MYOF: variants seen among roughly 807,000 people sequenced by gnomAD.
The protein encoded by MYOF is myoferlin.
In MYOF, 244 loss-of-function variants were observed where a neutral mutation model predicts 284.2. That is an observed-to-expected ratio of 0.86 (90% CI 0.77 to 0.95). The LOEUF is 0.95. Ranked by LOEUF, MYOF falls within the 40% of genes least tolerant of loss-of-function variation. The probability of loss-of-function intolerance (pLI) is 0.00; values close to 1 mark genes in which losing one functional copy is unlikely to be tolerated. For synonymous variants in MYOF, 904 were observed against 919.7 expected (o/e 0.98, Z 0.31); for missense variants, 2,496 against 2,560.6 (o/e 0.97, Z 0.54).
intron 1 of MYOF, among the ~76,000 whole-genome samples, chr10:93,468,848 G>T (rs1320770376): frequency 1.3e-5 from 2 of 152,204 alleles, no homozygotes; most frequent in Non-Finnish European, 2.9e-5. Flanking sequence ...TTGTTTGTCA[G>T]TGGGGCCTGG....
At chr10:93,362,162 C>A (rs1457729780) in intron 27 of MYOF, among the ~76,000 whole-genome samples, 1 of 152,048 alleles carries the variant, frequency 6.6e-6, no homozygotes, top group Non-Finnish European at 1.5e-5. Flanking sequence ...GTTAGCCAGG[C>A]TGGTCTCAAA....
intron 28 of MYOF, among the ~76,000 whole-genome samples, chr10:93,360,355 C>A (rs1845010789): frequency 6.6e-6 from 1 of 152,244 alleles, no homozygotes; most frequent in Non-Finnish European, 1.5e-5. Context: ...TGGCTGTTAA[C>A]TAAATAAGTT....
chr10:93,467,731 CCAA>C (rs997198512), intron 1 of MYOF, among the ~76,000 whole-genome samples: 2 of 152,192 alleles, frequency 1.3e-5, no homozygotes, highest in African/African-American at 4.8e-5. Context: ...ACCCAAATGT[CCAA>C]CAACGATAGA....
rs1285066944 is a variant in MYOF, at chr10:93,379,984, T to A, written c.1880A>T (p.Asn627Ile). 2 of 1,613,242 alleles carry A rather than the reference T, an allele frequency of 1.2e-6. No homozygotes were observed. Among genetic ancestry groups the A allele is most frequent in the Non-Finnish European group, 1.7e-6 (2 of 1,179,444 alleles). Residue 627 changes from asparagine (N) to isoleucine (I), a missense_variant, in exon 21 of 54, where the codon AAC (asparagine) becomes ATC (isoleucine). Asn to Ile is a moderately radical substitution (Grantham distance 149). This residue lies in a region of MYOF where 2,436 missense variants were observed against 2,480.7 expected (regional missense o/e 0.98). Transcript: ENST00000359263. Reference protein sequence around the residue: ...TQYSRAVFDGNYYYYLPWAHT... With the variant: ...TQYSRAVFDGIYYYYLPWAHT... ...GGCCCAAGGCAAGTAATAATAGTAG[T>A]TGCCTGGTATAAAACATTGGGGGTC...
At chr10:93,474,225 T>G (rs1807463804) in intron 1 of MYOF, among the ~76,000 whole-genome samples, 1 of 152,206 alleles carries the variant, frequency 6.6e-6, no homozygotes, top group African/African-American at 2.4e-5. Flanking sequence ...CTAGTAAGCC[T>G]TCTTACTAGT....
At chr10:93,459,734 G>A (rs1386503687) in intron 1 of MYOF, among the ~76,000 whole-genome samples, 2 of 152,208 alleles carry the variant, frequency 1.3e-5, no homozygotes, top group Non-Finnish European at 2.9e-5. Flanking sequence ...AACTCTCCAA[G>A]ATTATTTGCT....
chr10:93,349,711 GT>G, intron 36 of MYOF, 96 bp downstream of exon 36: 1 of 1,416,184 alleles, frequency 7.1e-7, no homozygotes, highest in Non-Finnish European at 9.5e-7. Context: ...TATTTGTCAG[GT>G]TTTGGAAATA....
intron 41 of MYOF, among the ~76,000 whole-genome samples, chr10:93,334,466 G>A (rs943285519): frequency 6.6e-6 from 1 of 152,130 alleles, no homozygotes; most frequent in Non-Finnish European, 1.5e-5. Context: ...CCTCTGCATT[G>A]AGATAATCTA....
At chr10:93,347,317 C>T (rs1844235146) in intron 37 of MYOF, among the ~76,000 whole-genome samples, 1 of 151,332 alleles carries the variant, frequency 6.6e-6, no homozygotes, top group Admixed American at 6.6e-5. Flanking sequence ...CTTTGGGAGG[C>T]CGAGGCGGGT....
At chr10:93,431,024 C>CT (rs113713765) in intron 4 of MYOF, among the ~76,000 whole-genome samples, 28,424 of 117,838 alleles carry the variant, frequency 0.24, 4,124 homozygotes, top group East Asian at 0.81. Flanking sequence ...TTTTTCTTTT[C>CT]TTTTTTTTTT....
rs549297363 is a variant in MYOF, at chr10:93,409,035, T to G, written c.601-120A>C. 2.1e-4 allele frequency: 308 copies of G among 1,462,004 alleles called. 1 individual carries two copies. In the African/African-American group the frequency reaches 2.3e-3, roughly 11 times the overall value. The allele number at this position is 1,462,004 out of a possible 1,614,324, so 90.6% of individuals were successfully genotyped here. ...ATTGCTAACACCAGGCCAGGGCAGC[T>G]TTGTGCTATACCAGGTGCTACCAAT... On this transcript the variant is annotated intron_variant, in intron 6 of 53. Transcript: ENST00000359263.
chr10:93,333,153 T>G, intron 43 of MYOF, 68 bp downstream of exon 43: 1 of 1,269,690 alleles, frequency 7.9e-7, no homozygotes, highest in Non-Finnish European at 1.2e-6. Flanking sequence ...GTTGGACACA[T>G]ATTAGAGTCT....
chr10:93,460,207 T>C (rs2056841565), intron 1 of MYOF, among the ~76,000 whole-genome samples: 1 of 152,014 alleles, frequency 6.6e-6, no homozygotes, highest in Non-Finnish European at 1.5e-5. Context: ...CCAGCGCTTG[T>C]CAACATGAAA....
intron 26 of MYOF, among the ~76,000 whole-genome samples, chr10:93,364,907 G>A (rs1229982288): frequency 1.3e-5 from 2 of 152,086 alleles, no homozygotes; most frequent in Admixed American, 1.3e-4. Flanking sequence ...CACGTCTCTG[G>A]GCCTCAAAGA....
intron 1 of MYOF, among the ~76,000 whole-genome samples, chr10:93,468,231 A>G (rs1475537751): frequency 1.3e-5 from 2 of 152,270 alleles, no homozygotes; most frequent in African/African-American, 4.8e-5. Context: ...TATATTTCAC[A>G]TAATTTGCTA....
chr10:93,474,546 G>A (rs1168151355), intron 1 of MYOF, among the ~76,000 whole-genome samples: 2 of 152,190 alleles, frequency 1.3e-5, no homozygotes, highest in East Asian at 3.9e-4. Flanking sequence ...GGTCACCTAG[G>A]CCTGAAAATC....
chr10:93,365,758 G>GTT (rs1256840936), intron 26 of MYOF, among the ~76,000 whole-genome samples: 1 of 152,150 alleles, frequency 6.6e-6, no homozygotes. Flanking sequence ...TCTTCTCAAA[G>GTT]ATGTTTATAT....
At chr10:93,448,154 C>G (rs1589585934) in intron 3 of MYOF, among the ~76,000 whole-genome samples, 1 of 152,184 alleles carries the variant, frequency 6.6e-6, no homozygotes, top group African/African-American at 2.4e-5. Flanking sequence ...GCACTCCTGC[C>G]TCAGGGCCTT....
At chr10:93,432,786 G>A (rs1262745497) in intron 3 of MYOF, among the ~76,000 whole-genome samples, 12 of 152,124 alleles carry the variant, frequency 7.9e-5, no homozygotes, top group African/African-American at 2.4e-5. Context: ...AAGCCCCCTC[G>A]ACTCAGGGAT....
Sources: allele counts gnomAD v4.1 joint callset (sites outside exome capture counted in the v4.1 genomes callset), GRCh38; gene constraint gnomAD v4.1.1; regional missense constraint gnomAD v4.1.1; transcripts MANE v1.5; gene names NCBI Gene and HGNC (gene_info 2026-07-23, HGNC 2026-07-21).